Variants in CADPS observed in about 807,000 individuals in gnomAD.
The protein encoded by CADPS is calcium dependent secretion activator, also known as calcium-dependent secretion activator 1.
Under a neutral mutation model 167.3 loss-of-function variants are expected in CADPS, and 57 were observed. The ratio of observed to expected loss-of-function variants is 0.34; its 90% confidence interval spans 0.28 to 0.42. The LOEUF (loss-of-function observed/expected upper bound fraction) is 0.42. Ranked by LOEUF, CADPS falls within the 20% of genes least tolerant of loss-of-function variation. The probability of loss-of-function intolerance (pLI) is 1.00; values close to 1 mark genes in which losing one functional copy is unlikely to be tolerated. For synonymous variants in CADPS, 676 were observed against 635.3 expected (o/e 1.06, Z -0.96); for missense variants, 1,414 against 1,738.1 (o/e 0.81, Z 3.32).
intron 6 of CADPS, among the ~76,000 whole-genome samples, chr3:62,610,880 G>T (rs1240610415): frequency 6.6e-6 from 1 of 151,558 alleles, no homozygotes; most frequent in South Asian, 2.1e-4. Flanking sequence ...TCTTAATTGG[G>T]AGGGGGGTGT....
At chr3:62,403,307 A>G in intron 28 of CADPS, 122 bp from the exon 29 acceptor site, 1 of 664,506 alleles carries the variant, frequency 1.5e-6, no homozygotes, top group Admixed American at 2.6e-5. Context: ...GGTTAAAGAG[A>G]ATTTGAGAGC....
At chr3:62,486,662 C>T (rs1483417621) in intron 21 of CADPS, among the ~76,000 whole-genome samples, 2 of 152,068 alleles carry the variant, frequency 1.3e-5, no homozygotes, top group African/African-American at 4.8e-5. Context: ...AGGGCTTAGC[C>T]CATGAGGGTT....
intron 1 of CADPS, among the ~76,000 whole-genome samples, chr3:62,867,429 T>C (rs190334386): frequency 4.3e-4 from 65 of 152,206 alleles, no homozygotes; most frequent in African/African-American, 1.5e-3. Context: ...ATTCTATCCA[T>C]GTTACTTTTG....
chr3:62,457,313 T>C (rs1372395440), intron 26 of CADPS, among the ~76,000 whole-genome samples: 2 of 152,168 alleles, frequency 1.3e-5, no homozygotes, highest in African/African-American at 4.8e-5. Context: ...AGATTATACT[T>C]TAGGAAGTGG....
intron 1 of CADPS, among the ~76,000 whole-genome samples, chr3:62,766,810 A>T (rs146031742): frequency 0.016 from 2,399 of 152,256 alleles, 26 homozygotes; most frequent in East Asian, 0.059. Context: ...TAATTTATGA[A>T]GTCCTTCCCA....
intron 1 of CADPS, among the ~76,000 whole-genome samples, chr3:62,768,427 G>A (rs2087532122): frequency 6.6e-6 from 1 of 151,288 alleles, no homozygotes; most frequent in Admixed American, 6.6e-5. Flanking sequence ...TGTCTTAAAT[G>A]ATTAATTGAA....
chr3:62,573,572 A>G (rs1237017529), intron 8 of CADPS, among the ~76,000 whole-genome samples: 1 of 152,206 alleles, frequency 6.6e-6, no homozygotes, highest in Non-Finnish European at 1.5e-5. Flanking sequence ...TGCCCATTGT[A>G]TTATCTACAT....
chr3:62,495,130 C>T lies in CADPS; in HGVS notation c.2707-1465G>A, dbSNP rs370273187. Reference sequence around the variant, plus strand: ...TAGATATTAATAGCCCTGCAAAGAACGATGACTACTGTGGCATGAATCATT... The same window carrying T: ...TAGATATTAATAGCCCTGCAAAGAATGATGACTACTGTGGCATGAATCATT... On this transcript the variant is annotated intron_variant, in intron 18 of 29. Transcript: ENST00000383710. 4.6e-5 allele frequency among the ~76,000 whole-genome samples: 7 copies of T among 152,130 alleles called. No homozygotes were observed. The East Asian group carries it at 7.7e-4, about 17-fold the overall frequency.
intron 1 of CADPS, among the ~76,000 whole-genome samples, chr3:62,861,539 C>A (rs146930716): frequency 6.6e-6 from 1 of 152,284 alleles, no homozygotes; most frequent in Admixed American, 6.5e-5. Context: ...TAAAACTGAT[C>A]TGTGCTGGAT....
At chr3:62,413,294 A>G (rs2049333792) in intron 28 of CADPS, among the ~76,000 whole-genome samples, 1 of 152,184 alleles carries the variant, frequency 6.6e-6, no homozygotes, top group East Asian at 1.9e-4. Flanking sequence ...AAACATTGAA[A>G]GTAGGATCTA....
chr3:62,741,134 T>A (rs977296635), intron 3 of CADPS, among the ~76,000 whole-genome samples: 1 of 152,184 alleles, frequency 6.6e-6, no homozygotes, highest in African/African-American at 2.4e-5. Context: ...TTTGATTAAT[T>A]AATGGTAGCT....
At chr3:62,724,747 C>G (rs936493940) in intron 3 of CADPS, among the ~76,000 whole-genome samples, 3 of 152,192 alleles carry the variant, frequency 2.0e-5, no homozygotes, top group Non-Finnish European at 4.4e-5. Flanking sequence ...TCCTCATTTC[C>G]CCAACTCATA....
intron 13 of CADPS, among the ~76,000 whole-genome samples, chr3:62,529,472 C>T (rs530728384): frequency 2.6e-4 from 39 of 152,328 alleles, no homozygotes; most frequent in South Asian, 1.0e-3. Flanking sequence ...CCTTGTCATT[C>T]CGTCAGACCT....
At chr3:62,551,303 C>T (rs2077283535) in intron 10 of CADPS, among the ~76,000 whole-genome samples, 1 of 152,180 alleles carries the variant, frequency 6.6e-6, no homozygotes. Context: ...TGACTCTTTA[C>T]TTTCTTTCAC....
At chr3:62,594,992 G>A (rs949759446) in intron 6 of CADPS, among the ~76,000 whole-genome samples, 1 of 151,986 alleles carries the variant, frequency 6.6e-6, no homozygotes, top group Non-Finnish European at 1.5e-5. Context: ...CTACTAGTGG[G>A]CTTGAACATT....
intron 1 of CADPS, chr3:62,779,707 C>T (rs1317234883): frequency 4.6e-6 from 2 of 431,712 alleles, no homozygotes; most frequent in South Asian, 3.8e-5. Context: ...ATAACATCTA[C>T]AGTTGTGACC....
rs2055714722 is a variant in CADPS at position 62,438,855 on chromosome 3, G to T, written c.3670-644C>A. On this transcript the variant is annotated intron_variant, in intron 27 of 29. Transcript: ENST00000383710. The surrounding 1 kb of genome is among the most constrained non-coding windows in gnomAD (Gnocchi z 4.7). ...TCTTTGCTTCCAGTGCAGCCTTAAA[G>T]TCCAAGGATTAAAAAGAAGAAGAAG... 6.6e-6 allele frequency: 1 copy of T among 151,858 alleles called. No homozygotes were observed. Among genetic ancestry groups the T allele is most frequent in the African/African-American group, 2.4e-5 (1 of 41,326 alleles). 9.4% of individuals were successfully genotyped at this position (151,858 alleles called of 1,614,324 possible). A position where few individuals can be genotyped will look rare whatever the true frequency, so the allele number is the denominator to read the frequency against.
At chr3:62,747,258 C>T (rs1162803298) in intron 3 of CADPS, among the ~76,000 whole-genome samples, 2 of 152,160 alleles carry the variant, frequency 1.3e-5, no homozygotes, top group African/African-American at 4.8e-5. Flanking sequence ...AGTGAAAGAT[C>T]ACTCATGCGA....
chr3:62,721,819 C>T lies in CADPS; in HGVS notation c.888+31622G>A, dbSNP rs867260231. On this transcript the variant is annotated intron_variant, in intron 3 of 29. Transcript: ENST00000383710. ...TGAAGTAGGTACTATTTTAAATCCG[C>T]ATTTTGCAAATGAGGAAACAGAGGT... is the stretch of plus-strand genomic sequence containing the variant. Among the ~76,000 whole-genome samples the T allele has an allele frequency of 4.3e-5, 6 of 140,590 alleles. No individual in the cohort carries two copies. The South Asian group carries it at 1.4e-3, about 32-fold the overall frequency. 92.2% of individuals were successfully genotyped at this position (140,590 alleles called of 152,430 possible). A position where few individuals can be genotyped will look rare whatever the true frequency, so the allele number is the denominator to read the frequency against.
Sources: allele counts gnomAD v4.1 joint callset (sites outside exome capture counted in the v4.1 genomes callset), GRCh38; gene constraint gnomAD v4.1.1; non-coding constraint Gnocchi (gnomAD v3.1); transcripts MANE v1.5; gene names NCBI Gene and HGNC (gene_info 2026-07-23, HGNC 2026-07-21).